Variants in ZMAT1 observed in about 807,000 individuals in gnomAD.
The protein encoded by ZMAT1 is zinc finger matrin-type protein 1.
Under a neutral mutation model 18.5 loss-of-function variants are expected in ZMAT1, and 11 were observed. The ratio of observed to expected loss-of-function variants is 0.59; its 90% CI spans 0.37 to 0.98. The LOEUF (loss-of-function observed/expected upper bound fraction) is 0.98, where lower values mean the gene tolerates loss of function less well. Among genes scored for constraint, ZMAT1 ranks in the 50% least tolerant of loss-of-function variants. The pLI, the probability that ZMAT1 is intolerant of heterozygous loss-of-function variation, is 0.01. For synonymous variants in ZMAT1, 211 were observed against 176.4 expected (o/e 1.20, Z -1.55); for missense variants, 525 against 496.2 (o/e 1.06, Z -0.55).
intron 1 of ZMAT1, among the ~76,000 whole-genome samples, chrX:101,917,232 C>A (rs1364983971): frequency 9.0e-6 from 1 of 111,550 alleles, no homozygotes; most frequent in Non-Finnish European, 1.9e-5. Flanking sequence ...AGGATATAAT[C>A]AACAAAGTGA....
intron 5 of ZMAT1, among the ~76,000 whole-genome samples, chrX:101,885,405 C>T (rs1294599801): frequency 9.0e-6 from 1 of 110,583 alleles, no homozygotes; most frequent in African/African-American, 3.3e-5. Context: ...GTGTGTGTGC[C>T]TGTATTCCCA....
chrX:101,883,534 C>T lies in ZMAT1; in HGVS notation c.2064G>A (p.Trp688Ter). 1 of 1,195,181 alleles carries T rather than the reference C, an allele frequency of 8.4e-7. No homozygotes were observed. The highest frequency in any genetic ancestry group is 1.1e-6 in the Non-Finnish European group (1 of 890,612). The change falls in exon 6 of 6, where the codon TGG becomes TGA. Residue 688 changes from tryptophan (W) to a stop codon, truncating the protein, a stop_gained. Transcript: ENST00000651725. LOFTEE classifies it high-confidence loss of function. ...VEERTEEEML[W>*]DESILGF ...TTCAAAATCCAAGAATAGACTCATC[C>T]CAAAGCATTTCCTCTTCTGTCCTTT...
chrX:101,900,500 G>A (rs779389138), intron 2 of ZMAT1, among the ~76,000 whole-genome samples: 44 of 111,605 alleles, frequency 3.9e-4, no homozygotes, highest in Non-Finnish European at 7.4e-4. Flanking sequence ...ATGAAGATCC[G>A]GTTTCATTCT....
At position 101,897,820 on chromosome X, in the gene ZMAT1, T is replaced by C. The variant is rs374727904; in HGVS notation, c.676+48A>G. Reference sequence around the variant, plus strand: ...GGATATGGCAGAGTTAGACAAAACATGATAGGTAGATCCTGCATTGAAGAT... The same window carrying C: ...GGATATGGCAGAGTTAGACAAAACACGATAGGTAGATCCTGCATTGAAGAT... On this transcript the variant is annotated intron_variant, in intron 4 of 5. Transcript: ENST00000651725. 3.4e-5 allele frequency: 39 copies of C among 1,133,091 alleles called. No homozygotes were observed. The African/African-American group carries it at 5.9e-4, about 17-fold the overall frequency. 93.4% of individuals were successfully genotyped at this position (1,133,091 alleles called of 1,213,427 possible). A position where few individuals can be genotyped will look rare whatever the true frequency, so the allele number is the denominator to read the frequency against.
chrX:101,912,522 A>G (rs1286752184), intron 1 of ZMAT1, among the ~76,000 whole-genome samples: 2 of 112,132 alleles, frequency 1.8e-5, no homozygotes, highest in Non-Finnish European at 3.8e-5. Context: ...ATTGCACATT[A>G]CATTTTTGGG....
In ZMAT1 at chrX:101,883,294, C is replaced by T. The variant is rs1453660453; in HGVS notation, c.*216G>A. The T allele has an allele frequency of 2.3e-5, 6 of 260,074 alleles. No individual in the cohort carries two copies. The highest frequency in any genetic ancestry group is 6.7e-5 in the Admixed American group (1 of 14,883). The allele number at this position is 260,074 out of a possible 1,213,427, so 21.4% of individuals were successfully genotyped here. ...AGGTTTCCTTTTCTCTTATGTTCTC[C>T]TTGAGTTCTTATGTTCTTTTCTCAG... is the stretch of plus-strand genomic sequence containing the variant. On this transcript the variant is annotated 3_prime_UTR_variant, in exon 6 of 6. Coordinates refer to ENST00000651725, the MANE Select transcript of ZMAT1 (RefSeq NM_001394560.1).
At chrX:101,894,551 T>C (rs1201439595) in intron 4 of ZMAT1, 3 of 613,435 alleles carry the variant, frequency 4.9e-6, no homozygotes, top group Admixed American at 1.8e-4. Context: ...AATCTAATAC[T>C]TGACAGAAAG....
At chrX:101,915,084 CAT>C (rs59464854) in intron 1 of ZMAT1, among the ~76,000 whole-genome samples, 10,027 of 110,820 alleles carry the variant, frequency 0.09, 388 homozygotes, top group African/African-American at 0.13. Context: ...GATTAAAAAC[CAT>C]ATGATCATTT....
intron 1 of ZMAT1, among the ~76,000 whole-genome samples, chrX:101,924,146 C>G (rs775050315): frequency 9.0e-5 from 10 of 111,305 alleles, no homozygotes; most frequent in Non-Finnish European, 1.9e-4. Context: ...AAGTCTCACT[C>G]TGCTGCCCAG....
At chrX:101,929,426 TATA>T (rs1930298359) in intron 1 of ZMAT1, among the ~76,000 whole-genome samples, 121 of 6,637 alleles carry the variant, frequency 0.018, 2 homozygotes, top group East Asian at 0.12. Flanking sequence ...AGAGAGATTA[TATA>T]TATATATATA....
chrX:101,923,277 G>A (rs1344346084), intron 1 of ZMAT1, among the ~76,000 whole-genome samples: 1 of 112,167 alleles, frequency 8.9e-6, no homozygotes, highest in Non-Finnish European at 1.9e-5. Context: ...ATTAGGATGA[G>A]AGAGACTGCA....
rs1276343875 is a variant in ZMAT1, at chrX:101,931,908, G to T, written c.101C>A (p.Ala34Glu). ...CGCCGCCGCCGCCGCCGCCGCTGCC[G>T]CGCAGGCGGTGTAGGAGGAGGAGGA... ...AASSSSYTAC[A>E]AAAAAAAAAA... is the part of the protein sequence containing the mutation. Residue 34 changes from alanine (A) to glutamate (E), a missense_variant, in exon 1 of 6, where the codon GCG becomes GAG. By Grantham distance (107) the Ala-to-Glu change is moderately radical (BLOSUM62 -1). Transcript: ENST00000651725. 7.5e-6 allele frequency: 6 copies of T among 799,687 alleles called. No individual in the cohort carries two copies. Among genetic ancestry groups the T allele is most frequent in the Non-Finnish European group, 8.9e-6 (6 of 671,475 alleles). The allele number at this position is 799,687 out of a possible 1,213,427, so 65.9% of individuals were successfully genotyped here.
chrX:101,883,722 C>A lies in ZMAT1; in HGVS notation c.1876G>T (p.Asp626Tyr), dbSNP rs1199891167. The A allele has an allele frequency of 8.3e-7, 1 of 1,207,455 alleles. No individual in the cohort carries two copies. Among genetic ancestry groups the A allele is most frequent in the Non-Finnish European group, 1.1e-6 (1 of 894,419 alleles). Reference sequence around the variant, plus strand: ...CTGATGCTCTTGTCTTTGTCTAAATCTGTATCTTCATAACTCTTTTTCCTT... The same window carrying A: ...CTGATGCTCTTGTCTTTGTCTAAATATGTATCTTCATAACTCTTTTTCCTT... ...HKRKKSYEDTDLDKDKSIRQR... is the reference protein window; with the variant it reads ...HKRKKSYEDTYLDKDKSIRQR... The change falls in exon 6 of 6, where the codon GAT becomes TAT. Residue 626 changes from aspartate (D) to tyrosine (Y), a missense_variant. Physicochemically the swap from Asp to Tyr is radical, Grantham distance 160. Coordinates refer to ENST00000651725, the MANE Select transcript of ZMAT1 (RefSeq NM_001394560.1).
intron 1 of ZMAT1, among the ~76,000 whole-genome samples, chrX:101,929,858 G>A (rs957316929): frequency 1.1e-4 from 12 of 111,479 alleles, no homozygotes; most frequent in Non-Finnish European, 2.3e-4. Flanking sequence ...TTTCAGATCT[G>A]AAATCAACCC....
intron 1 of ZMAT1, among the ~76,000 whole-genome samples, chrX:101,912,736 T>C (rs1204915938): frequency 2.7e-5 from 3 of 112,222 alleles, no homozygotes; most frequent in Non-Finnish European, 5.6e-5. Context: ...GAATTCCATA[T>C]GACAAAGTAT....
Position 101,884,074 on chromosome X carries a change from G to A in ZMAT1, c.1524C>T (p.Thr508=). Residue 508 remains threonine, a synonymous_variant, in exon 6 of 6, where the codon ACC becomes ACT. Transcript: ENST00000651725. ...GTGAAATACTATATGGTCCTGAATA[G>A]GTCTGGAAAGTCTCACATGGGAGCT... ...EQKLPCETFQ[T]YSGPYSISQV... is the part of the protein sequence containing the mutation. The A allele has an allele frequency of 2.5e-6, 3 of 1,209,207 alleles. No individual in the cohort carries two copies. The highest frequency in any genetic ancestry group is 3.4e-6 in the Non-Finnish European group (3 of 895,050).
At chrX:101,926,282 T>C (rs1227610504) in intron 1 of ZMAT1, among the ~76,000 whole-genome samples, 2 of 112,197 alleles carry the variant, frequency 1.8e-5, no homozygotes, top group Non-Finnish European at 3.8e-5. Context: ...CTGCCTTCAA[T>C]GATATAAAAA....
intron 1 of ZMAT1, chrX:101,912,129 T>C: frequency 1.1e-6 from 1 of 906,722 alleles, no homozygotes. Flanking sequence ...GCTCATCCTT[T>C]TCTAGATTTG....
rs142835923 is a variant in ZMAT1 at position 101,924,044 on chromosome X, A to G, written c.292+7673T>C. Among the ~76,000 whole-genome samples the G allele has an allele frequency of 5.0e-3, 565 of 111,938 alleles. 3 individuals carry two copies. Among genetic ancestry groups the G allele is most frequent in the African/African-American group, 0.017 (517 of 30,853 alleles). ...GCCTAGAATTTTTCAACTGTTCTTCATTCCCTGGTACATTTGAATTTTTTT... is the reference window on the plus strand; with the variant it reads ...GCCTAGAATTTTTCAACTGTTCTTCGTTCCCTGGTACATTTGAATTTTTTT... On this transcript the variant is annotated intron_variant, in intron 1 of 5. Coordinates refer to ENST00000651725, the MANE Select transcript of ZMAT1 (RefSeq NM_001394560.1).
Sources: allele counts gnomAD v4.1 joint callset (sites outside exome capture counted in the v4.1 genomes callset), GRCh38; gene constraint gnomAD v4.1.1; transcripts MANE v1.5; gene names NCBI Gene and HGNC (gene_info 2026-07-23, HGNC 2026-07-21).